Variants in ZNF676 observed in about 807,000 individuals in gnomAD.
ZNF676 encodes zinc finger protein 676.
A neutral mutation model predicts 6.0 loss-of-function variants in ZNF676; 4 were observed. The ratio of observed to expected loss-of-function variants is 0.67; its 90% CI spans 0.33 to 1.53. The LOEUF (loss-of-function observed/expected upper bound fraction) is 1.53. Among genes scored for constraint, ZNF676 ranks in the 40% most tolerant of loss-of-function variants. The pLI, the probability that ZNF676 is intolerant of heterozygous loss-of-function variation, is 0.06. For synonymous variants in ZNF676, 198 were observed against 223.1 expected (o/e 0.89, Z 1.00); for missense variants, 644 against 679.7 (o/e 0.95, Z 0.58).
chr19:22,256,223 T>A, the ZNF676 span, among the ~76,000 whole-genome samples: 1 of 152,228 alleles, frequency 6.6e-6, no homozygotes, highest in Admixed American at 6.5e-5. Context: ...ATGAGAGTCA[T>A]CATCTCACCT....
intron 2 of ZNF676, among the ~76,000 whole-genome samples, chr19:22,184,856 A>C (rs2023812960): frequency 6.9e-6 from 1 of 144,464 alleles, no homozygotes. Flanking sequence ...AAAAAAAGGC[A>C]GCAGCCACAG....
intron 1 of ZNF676, among the ~76,000 whole-genome samples, chr19:22,208,468 C>T (rs2024097585): frequency 6.6e-6 from 1 of 152,118 alleles, no homozygotes; most frequent in Admixed American, 6.6e-5. Context: ...TGTAGTGATT[C>T]CTCACTAAAC....
the ZNF676 span, among the ~76,000 whole-genome samples, chr19:22,235,164 GA>G: frequency 1.3e-5 from 2 of 151,106 alleles, no homozygotes; most frequent in African/African-American, 4.9e-5. Context: ...AAGAAAGAAA[GA>G]AAAAAACTCT....
chr19:22,185,471 A>T lies in ZNF676; in HGVS notation c.131-3885T>A, dbSNP rs113191315. Among the ~76,000 whole-genome samples, 796 of 143,708 alleles carry T rather than the reference A, an allele frequency of 5.5e-3. 4 individuals are homozygous for T. The highest frequency in any genetic ancestry group is 0.019 in the African/African-American group (754 of 38,788). 94.3% of individuals were successfully genotyped at this position (143,708 alleles called of 152,430 possible). A position where few individuals can be genotyped will look rare whatever the true frequency, so the allele number is the denominator to read the frequency against. ...CAGAATGCCTATTCTCCTCCAAAGGATCACAACTCATCACCAGCAAAAAAA... is the reference window on the plus strand; with the variant it reads ...CAGAATGCCTATTCTCCTCCAAAGGTTCACAACTCATCACCAGCAAAAAAA... On this transcript the variant is annotated intron_variant, in intron 2 of 2. Coordinates refer to ENST00000397121, the MANE Select transcript of ZNF676 (RefSeq NM_001001411.3).
chr19:22,232,102 T>A, the ZNF676 span, among the ~76,000 whole-genome samples: 12 of 152,082 alleles, frequency 7.9e-5, no homozygotes, highest in Admixed American at 7.9e-4. Flanking sequence ...AATATATAAA[T>A]CAAATATTGA....
the ZNF676 span, among the ~76,000 whole-genome samples, chr19:22,238,354 G>A: frequency 6.6e-6 from 1 of 152,210 alleles, no homozygotes; most frequent in East Asian, 1.9e-4. Flanking sequence ...CTCAGCTGGT[G>A]AAAGGTATGT....
chr19:22,209,386 T>C (rs1351255170), intron 1 of ZNF676, among the ~76,000 whole-genome samples: 1 of 148,572 alleles, frequency 6.7e-6, no homozygotes, highest in Non-Finnish European at 1.5e-5. Context: ...GAGATCACTA[T>C]TCTTAGAAAA....
At chr19:22,238,894 TGA>T in the ZNF676 span, among the ~76,000 whole-genome samples, 1 of 152,326 alleles carries the variant, frequency 6.6e-6, no homozygotes, top group South Asian at 2.1e-4. Context: ...CGTTGGCAGT[TGA>T]TTAGATTGTG....
chr19:22,211,655 A>G (rs2024130254), intron 1 of ZNF676, among the ~76,000 whole-genome samples: 1 of 152,202 alleles, frequency 6.6e-6, no homozygotes, highest in Admixed American at 6.5e-5. Context: ...TTCATCACAT[A>G]AAATTTACCA....
chr19:22,204,620 G>A (rs1465045558), intron 1 of ZNF676, among the ~76,000 whole-genome samples: 2 of 152,170 alleles, frequency 1.3e-5, no homozygotes, highest in East Asian at 1.9e-4. Flanking sequence ...TTGGATAATC[G>A]GGTTTCTGCC....
chr19:22,253,876 C>G, the ZNF676 span, among the ~76,000 whole-genome samples: 1 of 152,098 alleles, frequency 6.6e-6, no homozygotes, highest in Non-Finnish European at 1.5e-5. Flanking sequence ...CTGTACCACT[C>G]AAGGGCTTTA....
the ZNF676 span, among the ~76,000 whole-genome samples, chr19:22,225,940 T>C: frequency 1.3e-5 from 2 of 152,168 alleles, no homozygotes; most frequent in African/African-American, 2.4e-5. Context: ...TTTTGAAGTA[T>C]ATTTCAGTTA....
At chr19:22,187,343 C>A (rs575482263) in intron 2 of ZNF676, among the ~76,000 whole-genome samples, 1 of 152,086 alleles carries the variant, frequency 6.6e-6, no homozygotes, top group African/African-American at 2.4e-5. Context: ...ACAAAACATA[C>A]CAGAATCTCT....
chr19:22,240,126 G>A, the ZNF676 span, among the ~76,000 whole-genome samples: 4 of 152,114 alleles, frequency 2.6e-5, no homozygotes, highest in African/African-American at 9.7e-5. Context: ...AATCCCCACG[G>A]TATACAGGTC....
chr19:22,209,247 G>GT (rs2024106974), intron 1 of ZNF676, among the ~76,000 whole-genome samples: 1 of 151,606 alleles, frequency 6.6e-6, no homozygotes, highest in Non-Finnish European at 1.5e-5. Flanking sequence ...GTGTGATACA[G>GT]TGAGATTCCA....
At chr19:22,227,520 C>T in the ZNF676 span, among the ~76,000 whole-genome samples, 4 of 152,154 alleles carry the variant, frequency 2.6e-5, no homozygotes, top group East Asian at 7.7e-4. Context: ...TAGAGCAGAA[C>T]TGAAGGAGAT....
chr19:22,180,523 A>G lies in ZNF676; in HGVS notation c.1194T>C (p.Cys398=). The part of the protein sequence containing the change: ...AEEKPYKCEE[C]GKASNSSSKL... ...TTGAGGATGAGTTGGAAGCTTTGCC[A>G]CATTCTTCACATTTGTAGGGCTTCT... Residue 398 remains cysteine, a synonymous_variant, in exon 3 of 3, where the codon TGT becomes TGC. Coordinates refer to ENST00000397121, the MANE Select transcript of ZNF676 (RefSeq NM_001001411.3). The G allele has an allele frequency of 6.2e-7, 1 of 1,610,450 alleles. No individual in the cohort carries two copies. Among genetic ancestry groups the G allele is most frequent in the Non-Finnish European group, 8.5e-7 (1 of 1,179,594 alleles).
intron 2 of ZNF676, among the ~76,000 whole-genome samples, 195 bp downstream of exon 2, chr19:22,192,818 AAAG>A (rs1187928733): frequency 6.6e-6 from 1 of 152,198 alleles, no homozygotes; most frequent in Non-Finnish European, 1.5e-5. Context: ...TACTTAAGGG[AAAG>A]AAGAATTCTT....
chr19:22,206,588 T>C (rs1406654326), intron 1 of ZNF676, among the ~76,000 whole-genome samples: 1 of 151,706 alleles, frequency 6.6e-6, no homozygotes, highest in Non-Finnish European at 1.5e-5. Context: ...GGCAGGAGAA[T>C]CACTTGAACC....
Sources: allele counts gnomAD v4.1 joint callset (sites outside exome capture counted in the v4.1 genomes callset), GRCh38; gene constraint gnomAD v4.1.1; transcripts MANE v1.5; gene names NCBI Gene and HGNC (gene_info 2026-07-23, HGNC 2026-07-21).